The following ATF7IP variants were observed in gnomAD, a reference collection of about 807,000 sequenced individuals.
The protein encoded by ATF7IP is activating transcription factor 7 interacting protein, also known as activating transcription factor 7-interacting protein 1.
Under a neutral mutation model 106.4 loss-of-function variants are expected in ATF7IP, and 23 were observed. The ratio of observed to expected loss-of-function variants is 0.22; its 90% confidence interval spans 0.16 to 0.31. ATF7IP has a LOEUF of 0.31. Ranked by LOEUF, ATF7IP falls within the 10% of genes least tolerant of loss-of-function variation. The pLI, the probability that ATF7IP is intolerant of heterozygous loss-of-function variation, is 1.00. For synonymous variants in ATF7IP, 542 were observed against 539.0 expected, an observed-to-expected ratio of 1.01 and a Z score of -0.08; for missense variants, 1,334 against 1,524.3, an observed-to-expected ratio of 0.88 and a Z score of 2.08.
At chr12:14,448,629 A>C in intron 6 of ATF7IP, among the ~76,000 whole-genome samples, 1 of 152,288 alleles carries the variant, frequency 6.6e-6, no homozygotes, top group East Asian at 1.9e-4. Flanking sequence ...GAGTGCAGCT[A>C]TCTCTTTGAG....
At chr12:14,496,567 C>G (rs1945018658) in intron 14 of ATF7IP, among the ~76,000 whole-genome samples, 1 of 152,094 alleles carries the variant, frequency 6.6e-6, no homozygotes, top group African/African-American at 2.4e-5. Flanking sequence ...GTACAGTGTA[C>G]AAAAACAGGT....
chr12:14,415,657 A>G (rs931936944), intron 1 of ATF7IP, among the ~76,000 whole-genome samples: 10 of 149,708 alleles, frequency 6.7e-5, no homozygotes, highest in Non-Finnish European at 1.0e-4. Flanking sequence ...AACTGAGTTT[A>G]TGAGTATTTG....
At chr12:14,372,486 C>T (rs1030338153) in intron 1 of ATF7IP, among the ~76,000 whole-genome samples, 2 of 151,390 alleles carry the variant, frequency 1.3e-5, no homozygotes, top group African/African-American at 2.4e-5. Context: ...ATACCATAGG[C>T]CTAAGGGAAC....
At chr12:14,384,413 T>G (rs899519483) in intron 1 of ATF7IP, among the ~76,000 whole-genome samples, 1 of 152,224 alleles carries the variant, frequency 6.6e-6, no homozygotes, top group Non-Finnish European at 1.5e-5. Context: ...ATATATCTAT[T>G]AGACTGAGTT....
chr12:14,391,962 C>T (rs1466547935), intron 1 of ATF7IP, among the ~76,000 whole-genome samples: 3 of 152,168 alleles, frequency 2.0e-5, no homozygotes, highest in African/African-American at 7.2e-5. Context: ...CTCAAGTGAT[C>T]TGCCTGCCTC....
intron 10 of ATF7IP, among the ~76,000 whole-genome samples, chr12:14,472,972 C>G (rs535598843): frequency 1.3e-5 from 2 of 152,074 alleles, no homozygotes; most frequent in Non-Finnish European, 2.9e-5. Context: ...CAGCTTTTTA[C>G]TTTCAATCTG....
At chr12:14,383,635 C>G (rs1255164057) in intron 1 of ATF7IP, among the ~76,000 whole-genome samples, 1 of 152,140 alleles carries the variant, frequency 6.6e-6, no homozygotes, top group African/African-American at 2.4e-5. Context: ...TCACTGTAGC[C>G]TTGAACTTCT....
Position 14,428,071 on chromosome 12 carries a change from A to G in ATF7IP, c.1558+2598A>G, listed in dbSNP as rs541207585. Among the ~76,000 whole-genome samples, 6 of 152,212 alleles carry G rather than the reference A, an allele frequency of 3.9e-5. No homozygotes were observed. The East Asian group carries it at 1.2e-3, about 29-fold the overall frequency. On this transcript the variant is annotated intron_variant, in intron 2 of 14. Coordinates refer to ENST00000261168, the MANE Select transcript of ATF7IP (RefSeq NM_018179.5). ...ACAGTGTTGAGAATGAATTTCATCC[A>G]TTTCCTATAAGTGTCTATACAGAGT... is the stretch of plus-strand genomic sequence containing the variant.
Position 14,498,134 on chromosome 12 carries a change from C to A in ATF7IP, c.*61C>A. On this transcript the variant is annotated 3_prime_UTR_variant, in exon 15 of 15. Transcript: ENST00000261168. ...TCCACCTTTTGGTCTTGTTTTTAAT[C>A]TTGTGCATGATACCCCATGTAAAAT... The A allele has an allele frequency of 6.9e-7, 1 of 1,456,258 alleles. No individual in the cohort carries two copies. The highest frequency in any genetic ancestry group is 9.2e-7 in the Non-Finnish European group (1 of 1,081,862). 90.2% of individuals were successfully genotyped at this position (1,456,258 alleles called of 1,614,324 possible). A position where few individuals can be genotyped will look rare whatever the true frequency, so the allele number is the denominator to read the frequency against.
At chr12:14,497,610 TTC>T (rs768770160) in intron 14 of ATF7IP, 42 bp from the exon 15 acceptor site, 1 of 1,543,582 alleles carries the variant, frequency 6.5e-7, no homozygotes, top group African/African-American at 1.4e-5. Context: ...TCTAAAATAG[TTC>T]TTTTTGCAAT....
intron 1 of ATF7IP, among the ~76,000 whole-genome samples, chr12:14,387,820 T>C (rs1047172766): frequency 1.2e-4 from 18 of 152,290 alleles, no homozygotes; most frequent in African/African-American, 4.1e-4. Context: ...TATGATGTTA[T>C]TTTGTCACTT....
intron 8 of ATF7IP, among the ~76,000 whole-genome samples, chr12:14,459,485 C>T (rs1457880347): frequency 2.0e-5 from 3 of 152,148 alleles, no homozygotes; most frequent in African/African-American, 7.2e-5. Flanking sequence ...AAGAATGCAG[C>T]GATGTTTGGT....
intron 1 of ATF7IP, among the ~76,000 whole-genome samples, chr12:14,396,491 A>G (rs754442195): frequency 1.3e-5 from 2 of 151,968 alleles, no homozygotes. Context: ...TTTTTTGTGT[A>G]TGTTTCATCT....
chr12:14,458,849 A>T (rs990945608), intron 8 of ATF7IP, among the ~76,000 whole-genome samples: 5 of 152,064 alleles, frequency 3.3e-5, no homozygotes, highest in Non-Finnish European at 7.4e-5. Flanking sequence ...CCATTCCTCT[A>T]TCTTGCACTT....
At chr12:14,492,835 C>T (rs932287657) in intron 13 of ATF7IP, among the ~76,000 whole-genome samples, 19 of 152,072 alleles carry the variant, frequency 1.2e-4, no homozygotes, top group African/African-American at 3.1e-4. Context: ...CTGCAGTTCC[C>T]GCTGTTAGAT....
intron 6 of ATF7IP, among the ~76,000 whole-genome samples, chr12:14,452,622 CCTCA>C (rs1420751181): frequency 6.6e-6 from 1 of 152,068 alleles, no homozygotes; most frequent in Admixed American, 6.5e-5. Flanking sequence ...TCTATATCTG[CCTCA>C]CTATGACTTG....
At chr12:14,372,634 T>TA (rs1414437709) in intron 1 of ATF7IP, among the ~76,000 whole-genome samples, 1 of 152,126 alleles carries the variant, frequency 6.6e-6, no homozygotes, top group Non-Finnish European at 1.5e-5. Flanking sequence ...CAGAATATTA[T>TA]AAGAAACATT....
chr12:14,368,243 A>C lies in ATF7IP; in HGVS notation c.-8+2416A>C, dbSNP rs553727522. 2.6e-5 allele frequency among the ~76,000 whole-genome samples: 4 copies of C among 152,144 alleles called. No homozygotes were observed. In the East Asian group the frequency reaches 7.7e-4, roughly 29 times the overall value. ...TTTTCCATGATTGAGCAATCTATAA[A>C]TGTTTATTAATTAGTTTTTCATTGG... On this transcript the variant is annotated intron_variant, in intron 1 of 14. Coordinates refer to ENST00000261168, the MANE Select transcript of ATF7IP (RefSeq NM_018179.5).
chr12:14,371,578 C>G (rs1212894023), intron 1 of ATF7IP, among the ~76,000 whole-genome samples: 1 of 151,870 alleles, frequency 6.6e-6, no homozygotes, highest in African/African-American at 2.4e-5. Flanking sequence ...GAAATGATGT[C>G]CAGCATCATG....
Sources: allele counts gnomAD v4.1 joint callset (sites outside exome capture counted in the v4.1 genomes callset), GRCh38; gene constraint gnomAD v4.1.1; transcripts MANE v1.5; gene names NCBI Gene and HGNC (gene_info 2026-07-23, HGNC 2026-07-21).